STX8: variants seen among roughly 807,000 people sequenced by gnomAD.
STX8 encodes the protein syntaxin 8.
In STX8, 23 loss-of-function variants were observed where a neutral mutation model predicts 37.5. The observed-to-expected ratio is 0.61, with a 90% CI of 0.44 to 0.87. The LOEUF is 0.87. Among genes scored for constraint, STX8 ranks in the 40% least tolerant of loss-of-function variants. STX8 has a pLI of 0.00. For missense variants in STX8, 313 were observed against 284.7 expected (o/e 1.10, Z -0.71); for synonymous variants, 115 against 99.1 (o/e 1.16, Z -0.95).
At chr17:9,324,161 C>A (rs1414641466) in intron 7 of STX8, among the ~76,000 whole-genome samples, 2 of 151,680 alleles carry the variant, frequency 1.3e-5, no homozygotes, top group Non-Finnish European at 2.9e-5. Context: ...CACACAAACA[C>A]AAACACACAC....
chr17:9,455,933 G>A (rs1484651829), intron 6 of STX8, among the ~76,000 whole-genome samples: 1 of 152,118 alleles, frequency 6.6e-6, no homozygotes, highest in Non-Finnish European at 1.5e-5. Context: ...CATATGCAAA[G>A]GCATATCAAC....
chr17:9,274,425 C>A (rs1046238349), intron 7 of STX8, among the ~76,000 whole-genome samples: 1 of 151,948 alleles, frequency 6.6e-6, no homozygotes, highest in Non-Finnish European at 1.5e-5. Context: ...GGCTGTAATC[C>A]CAGCACTTTG....
chr17:9,261,161 G>A (rs1245019134), intron 7 of STX8, among the ~76,000 whole-genome samples: 1 of 152,224 alleles, frequency 6.6e-6, no homozygotes, highest in Non-Finnish European at 1.5e-5. Context: ...ATGAGCACCT[G>A]GCTGGGCGTC....
At chr17:9,525,913 T>C (rs544339041) in intron 4 of STX8, among the ~76,000 whole-genome samples, 1 of 152,364 alleles carries the variant, frequency 6.6e-6, no homozygotes, top group South Asian at 2.1e-4. Context: ...GGAATCATGG[T>C]TACCTTCATT....
chr17:9,358,930 G>GT (rs1449538816), intron 7 of STX8, among the ~76,000 whole-genome samples: 2 of 152,172 alleles, frequency 1.3e-5, no homozygotes, highest in African/African-American at 4.8e-5. Flanking sequence ...CATTATGGCT[G>GT]TATTTGATTG....
intron 7 of STX8, among the ~76,000 whole-genome samples, chr17:9,259,975 T>G (rs1906948481): frequency 6.6e-6 from 1 of 151,996 alleles, no homozygotes; most frequent in African/African-American, 2.4e-5. Context: ...CCCAGCACTT[T>G]GGGAGGTCAC....
At chr17:9,426,728 C>A (rs887011490) in intron 6 of STX8, among the ~76,000 whole-genome samples, 10 of 152,092 alleles carry the variant, frequency 6.6e-5, no homozygotes, top group Admixed American at 6.6e-4. Flanking sequence ...AACCACTGCA[C>A]TCCAGCCTGG....
intron 7 of STX8, among the ~76,000 whole-genome samples, chr17:9,285,675 C>T (rs1282157727): frequency 6.6e-6 from 1 of 152,150 alleles, no homozygotes; most frequent in African/African-American, 2.4e-5. Flanking sequence ...TAAATAAATA[C>T]AAAAAGGCAA....
rs543431650 is a variant in STX8 at position 9,350,541 on chromosome 17, T to C, written c.643+28011A>G. On this transcript the variant is annotated intron_variant, in intron 7 of 7. Transcript: ENST00000306357. The stretch of plus-strand genomic sequence containing the variant: ...GTGTTTTTTTTTTTGTTTTTGTTTT[T>C]GTTTTCTTTTTTTGAGACGGAGTCT... 2.0e-5 allele frequency among the ~76,000 whole-genome samples: 3 copies of C among 151,938 alleles called. No homozygotes were observed. The South Asian group carries it at 6.2e-4, about 31-fold the overall frequency.
chr17:9,400,990 T>G (rs141125492), intron 6 of STX8, among the ~76,000 whole-genome samples: 1 of 152,112 alleles, frequency 6.6e-6, no homozygotes, highest in South Asian at 2.1e-4. Context: ...CCCGAACTAG[T>G]AGAACTCTGC....
chr17:9,332,771 T>C (rs1316893230), intron 7 of STX8, among the ~76,000 whole-genome samples: 1 of 152,212 alleles, frequency 6.6e-6, no homozygotes, highest in East Asian at 1.9e-4. Context: ...TGCTTACTGT[T>C]TACTATCTCG....
At chr17:9,561,739 G>A (rs1323814219) in intron 2 of STX8, among the ~76,000 whole-genome samples, 2 of 148,816 alleles carry the variant, frequency 1.3e-5, no homozygotes, top group Non-Finnish European at 3.0e-5. Context: ...CTGTAACATA[G>A]TATTTTTACC....
rs569151672 is a variant in STX8 at position 9,429,065 on chromosome 17, C to A, written c.542-50412G>T. 2.6e-5 allele frequency among the ~76,000 whole-genome samples: 4 copies of A among 151,924 alleles called. No homozygotes were observed. The South Asian group carries it at 8.3e-4, about 32-fold the overall frequency. ...TGCAAACATATTAATCCTTAATTACCCAGAAGATTCAGTTAACCAGAACAT... is the reference window on the plus strand; with the variant it reads ...TGCAAACATATTAATCCTTAATTACACAGAAGATTCAGTTAACCAGAACAT... On this transcript the variant is annotated intron_variant, in intron 6 of 7. Transcript: ENST00000306357.
chr17:9,562,500 G>A (rs1289150028), intron 2 of STX8, among the ~76,000 whole-genome samples: 2 of 151,342 alleles, frequency 1.3e-5, no homozygotes, highest in African/African-American at 2.4e-5. Flanking sequence ...AATTTATCAC[G>A]AGGAGCTAAT....
At chr17:9,467,830 C>G (rs930123502) in intron 6 of STX8, among the ~76,000 whole-genome samples, 3 of 152,194 alleles carry the variant, frequency 2.0e-5, no homozygotes, top group Non-Finnish European at 4.4e-5. Context: ...GGCCTTTTAT[C>G]CAGCACAGCA....
intron 6 of STX8, among the ~76,000 whole-genome samples, chr17:9,431,428 T>C (rs762155621): frequency 1.0e-4 from 10 of 97,822 alleles, no homozygotes; most frequent in Non-Finnish European, 2.1e-4. Flanking sequence ...AGCAGGGTTT[T>C]TGTTGTTGTT....
intron 3 of STX8, among the ~76,000 whole-genome samples, chr17:9,548,955 C>T (rs994147403): frequency 6.6e-6 from 1 of 152,092 alleles, no homozygotes; most frequent in African/African-American, 2.4e-5. Flanking sequence ...AATATTGTTT[C>T]CTAATGTTTG....
At chr17:9,545,393 A>G (rs768091269) in intron 3 of STX8, 111 bp from the exon 4 acceptor site, 26 of 765,052 alleles carry the variant, frequency 3.4e-5, no homozygotes, top group East Asian at 1.3e-4. Flanking sequence ...TGTAATCACT[A>G]CTACCCAGAA....
chr17:9,467,640 C>G (rs1905672359), intron 6 of STX8, among the ~76,000 whole-genome samples: 1 of 152,184 alleles, frequency 6.6e-6, no homozygotes, highest in South Asian at 2.1e-4. Context: ...ACCATGGCTT[C>G]CATGCACTCT....
Sources: allele counts gnomAD v4.1 joint callset (sites outside exome capture counted in the v4.1 genomes callset), GRCh38; gene constraint gnomAD v4.1.1; transcripts MANE v1.5; gene names NCBI Gene and HGNC (gene_info 2026-07-23, HGNC 2026-07-21).